Variants in DARS1 observed in about 807,000 individuals in gnomAD.
The protein encoded by DARS1 is aspartyl-tRNA synthetase 1, also known as aspartate--tRNA ligase, cytoplasmic.
In DARS1, 51 loss-of-function variants were observed where a neutral mutation model predicts 68.8. The observed-to-expected ratio is 0.74, with a 90% CI of 0.59 to 0.94. The LOEUF is 0.94. Ranked by LOEUF, DARS1 falls within the 40% of genes least tolerant of loss-of-function variation. The pLI is 0.00. For missense variants in DARS1, 607 were observed against 597.3 expected (o/e 1.02, Z -0.17); for synonymous variants, 203 against 190.4 (o/e 1.07, Z -0.55).
intron 2 of DARS1, among the ~76,000 whole-genome samples, chr2:135,982,114 C>A (rs1395011681): frequency 1.3e-5 from 2 of 152,136 alleles, no homozygotes; most frequent in Admixed American, 6.5e-5. Context: ...TAAACGTCTA[C>A]AATTACTGCA....
intron 5 of DARS1, among the ~76,000 whole-genome samples, chr2:135,934,704 A>T (rs2104811575): frequency 6.6e-6 from 1 of 152,340 alleles, no homozygotes; most frequent in Admixed American, 6.5e-5. Context: ...AGCTTCAATT[A>T]AAATAAAGCC....
chr2:135,905,945 G>A lies in DARS1; in HGVS notation c.*1371C>T, dbSNP rs1680771885. Among the ~76,000 whole-genome samples, 1 of 152,028 alleles carries A rather than the reference G, an allele frequency of 6.6e-6. No individual in the cohort carries two copies. Among genetic ancestry groups the A allele is most frequent in the South Asian group, 2.1e-4 (1 of 4,826 alleles). On this transcript the variant is annotated 3_prime_UTR_variant, in exon 16 of 16. Transcript: ENST00000264161. ...ACATGAAATTAAGAACAGCTCTAGG[G>A]CCAATATTATTGTACTATTTTAGGG...
At chr2:135,915,564 G>A (rs1381455611) in intron 11 of DARS1, among the ~76,000 whole-genome samples, 4 of 152,070 alleles carry the variant, frequency 2.6e-5, no homozygotes, top group Non-Finnish European at 5.9e-5. Context: ...TGGGATTACA[G>A]GCATGAGCCA....
chr2:135,910,201 T>A (rs996820484), intron 15 of DARS1, among the ~76,000 whole-genome samples: 5 of 152,176 alleles, frequency 3.3e-5, no homozygotes, highest in African/African-American at 1.2e-4. Context: ...AATTTCTGAA[T>A]CATATGGTAA....
intron 4 of DARS1, among the ~76,000 whole-genome samples, chr2:135,944,253 T>C (rs978032298): frequency 1.3e-5 from 2 of 152,214 alleles, no homozygotes; most frequent in Non-Finnish European, 2.9e-5. Flanking sequence ...GTGATTCCCA[T>C]ACAAAATGTA....
intron 3 of DARS1, among the ~76,000 whole-genome samples, chr2:135,969,684 T>C (rs1258689126): frequency 6.6e-6 from 1 of 151,824 alleles, no homozygotes; most frequent in Non-Finnish European, 1.5e-5. Context: ...AATGGTTCAA[T>C]GTTATAAAAT....
At chr2:135,927,701 CA>C (rs1681255528) in intron 7 of DARS1, among the ~76,000 whole-genome samples, 1 of 151,990 alleles carries the variant, frequency 6.6e-6, no homozygotes, top group Non-Finnish European at 1.5e-5. Context: ...AAACAGAAAG[CA>C]GAAAACTAAT....
At chr2:135,918,241 T>C (rs1175340389) in intron 10 of DARS1, among the ~76,000 whole-genome samples, 2 of 152,134 alleles carry the variant, frequency 1.3e-5, no homozygotes, top group African/African-American at 4.8e-5. Flanking sequence ...TTAAATAGCT[T>C]TTCTTTGCTT....
At chr2:135,935,761 A>G (rs762310807) in intron 5 of DARS1, among the ~76,000 whole-genome samples, 2 of 152,146 alleles carry the variant, frequency 1.3e-5, no homozygotes, top group African/African-American at 4.8e-5. Flanking sequence ...ATATTAGTTA[A>G]CCCAAACTAT....
At chr2:135,912,456 A>G (rs983823708) in intron 13 of DARS1, 30 bp downstream of exon 13, 2 of 787,646 alleles carry the variant, frequency 2.5e-6, no homozygotes, top group Non-Finnish European at 2.2e-6. Context: ...TTCTGCCTCA[A>G]AATGGGTTAC....
intron 4 of DARS1, among the ~76,000 whole-genome samples, chr2:135,955,882 C>T (rs972888526): frequency 6.6e-6 from 1 of 151,844 alleles, no homozygotes; most frequent in South Asian, 2.1e-4. Flanking sequence ...TGGTTTTGAA[C>T]TTCTGGGCTC....
intron 2 of DARS1, 137 bp from the exon 3 acceptor site, chr2:135,979,503 T>C: frequency 1.7e-6 from 1 of 603,502 alleles, no homozygotes; most frequent in Non-Finnish European, 2.9e-6. Context: ...TTGACAACAC[T>C]GTCTTCTCTA....
At chr2:135,973,899 T>C (rs1682441591) in intron 3 of DARS1, among the ~76,000 whole-genome samples, 1 of 151,948 alleles carries the variant, frequency 6.6e-6, no homozygotes, top group South Asian at 2.1e-4. Context: ...ATTAAAAGAA[T>C]ATAACTGGAT....
At chr2:135,947,836 A>C (rs934482658) in intron 4 of DARS1, among the ~76,000 whole-genome samples, 1 of 151,756 alleles carries the variant, frequency 6.6e-6, no homozygotes, top group African/African-American at 2.4e-5. Context: ...AAAAAAAAAA[A>C]CAAAAAAACA....
At chr2:135,952,113 C>T (rs1217407923) in intron 4 of DARS1, among the ~76,000 whole-genome samples, 1 of 151,922 alleles carries the variant, frequency 6.6e-6, no homozygotes, top group Non-Finnish European at 1.5e-5. Context: ...TGGTGGTGGG[C>T]GCCTGTAATT....
At chr2:135,982,733 T>C (rs1682665575) in intron 2 of DARS1, among the ~76,000 whole-genome samples, 1 of 149,714 alleles carries the variant, frequency 6.7e-6, no homozygotes, top group South Asian at 2.1e-4. Context: ...CAAAATGGAG[T>C]GGGGGTGGAG....
At chr2:135,961,660 C>T (rs1028581241) in intron 3 of DARS1, among the ~76,000 whole-genome samples, 162 bp from the exon 4 acceptor site, 5 of 152,186 alleles carry the variant, frequency 3.3e-5, no homozygotes, top group Non-Finnish European at 7.3e-5. Flanking sequence ...AGACAAAATA[C>T]TCACACTCAA....
At chr2:135,959,963 ATC>A (rs1682065463) in intron 4 of DARS1, among the ~76,000 whole-genome samples, 1 of 152,158 alleles carries the variant, frequency 6.6e-6, no homozygotes, top group African/African-American at 2.4e-5. Flanking sequence ...AGAATTTAGC[ATC>A]TATGTCTGCG....
At chr2:135,980,956 T>C (rs1370074398) in intron 2 of DARS1, among the ~76,000 whole-genome samples, 1 of 152,218 alleles carries the variant, frequency 6.6e-6, no homozygotes, top group Non-Finnish European at 1.5e-5. Context: ...CACATCACTA[T>C]GACTGGCTAA....
Sources: allele counts gnomAD v4.1 joint callset (sites outside exome capture counted in the v4.1 genomes callset), GRCh38; gene constraint gnomAD v4.1.1; transcripts MANE v1.5; gene names NCBI Gene and HGNC (gene_info 2026-07-23, HGNC 2026-07-21).